The following GALM variants were observed in gnomAD, a reference collection of about 807,000 sequenced individuals.
GALM encodes aldose 1-epimerase.
In GALM, 43 loss-of-function variants were observed where a neutral mutation model predicts 37.4. That is an observed-to-expected ratio of 1.15 (90% CI 0.90 to 1.48). The LOEUF (loss-of-function observed/expected upper bound fraction) is 1.48. GALM is among the 40% of genes most tolerant of loss of function. GALM has a pLI of 0.00. For synonymous variants in GALM, 199 were observed against 170.6 expected (o/e 1.17, Z -1.30); for missense variants, 456 against 419.1 (o/e 1.09, Z -0.77).
chr2:38,711,205 G>A (rs1211517695), intron 4 of GALM, among the ~76,000 whole-genome samples: 2 of 149,734 alleles, frequency 1.3e-5, no homozygotes, highest in Admixed American at 6.7e-5. Flanking sequence ...TGTTGCCCAG[G>A]CTGGCATGCA....
rs113298647 is a variant in GALM, at chr2:38,667,688, G to A, written c.190+1337G>A. Among the ~76,000 whole-genome samples, 454 of 151,712 alleles carry A rather than the reference G, an allele frequency of 3.0e-3. 7 individuals carry two copies. Among genetic ancestry groups the A allele is most frequent in the African/African-American group, 0.011 (442 of 41,430 alleles). On this transcript the variant is annotated intron_variant, in intron 1 of 6. Transcript: ENST00000272252. ...TTTGGTAGAGATGGGGTTTCACCAT[G>A]TTGGCCAGGCTGCTGGCGGGCACCT... is the stretch of plus-strand genomic sequence containing the variant.
Position 38,675,539 on chromosome 2 carries a change from TTTTTTG to T in GALM, c.191-371_191-366del, listed in dbSNP as rs1382172930. ...GAGGGTTTTTTTGTTTTTTTTTTTT[TTTTTTG>T]TGTGTGTGTGTGTGTGTGTGTGTGT... On this transcript the variant is annotated intron_variant, in intron 1 of 6. Coordinates refer to ENST00000272252, the MANE Select transcript of GALM (RefSeq NM_138801.3). Among the ~76,000 whole-genome samples, 115 of 83,434 alleles carry T rather than the reference TTTTTTG, an allele frequency of 1.4e-3. 1 individual carries two copies. Among genetic ancestry groups the T allele is most frequent in the African/African-American group, 6.2e-3 (110 of 17,746 alleles). The allele number at this position is 83,434 out of a possible 152,430, so 54.7% of individuals were successfully genotyped here. A position where few individuals can be genotyped will look rare whatever the true frequency, so the allele number is the denominator to read the frequency against.
intron 4 of GALM, among the ~76,000 whole-genome samples, chr2:38,728,034 G>C (rs146330536): frequency 3.9e-4 from 60 of 152,262 alleles, no homozygotes; most frequent in Middle Eastern, 3.4e-3. Context: ...CACCCTAAAA[G>C]AGTATGTTAA....
chr2:38,667,482 A>G (rs1431320720), intron 1 of GALM, among the ~76,000 whole-genome samples: 1 of 152,174 alleles, frequency 6.6e-6, no homozygotes, highest in Non-Finnish European at 1.5e-5. Context: ...AGGCAGGAGA[A>G]TAGCTTGAAC....
intron 4 of GALM, among the ~76,000 whole-genome samples, chr2:38,695,419 C>T (rs1343396012): frequency 6.6e-6 from 1 of 152,190 alleles, no homozygotes; most frequent in Admixed American, 6.5e-5. Context: ...GGAGCAGTCC[C>T]TTATGGTGGG....
intron 4 of GALM, among the ~76,000 whole-genome samples, chr2:38,722,258 C>CT (rs1666398922): frequency 6.6e-6 from 1 of 151,966 alleles, no homozygotes. Flanking sequence ...CCCCTCCCTC[C>CT]TTCTTGTGTG....
At chr2:38,717,684 A>C (rs1297470450) in intron 4 of GALM, among the ~76,000 whole-genome samples, 1 of 151,812 alleles carries the variant, frequency 6.6e-6, no homozygotes, top group African/African-American at 2.4e-5. Context: ...TATAGGTGGA[A>C]GCCACCATCC....
intron 4 of GALM, among the ~76,000 whole-genome samples, chr2:38,709,456 G>A (rs1666106705): frequency 6.6e-6 from 1 of 151,726 alleles, no homozygotes; most frequent in South Asian, 2.1e-4. Flanking sequence ...CTGCAGCTTG[G>A]TTTAGCATTT....
At chr2:38,703,869 G>T (rs1282151774) in intron 4 of GALM, among the ~76,000 whole-genome samples, 1 of 151,932 alleles carries the variant, frequency 6.6e-6, no homozygotes, top group African/African-American at 2.4e-5. Flanking sequence ...AAAACAATCA[G>T]CTGGGTGTGG....
chr2:38,731,620 T>G (rs1260583609), intron 5 of GALM, 115 bp from the exon 6 acceptor site: 2 of 759,190 alleles, frequency 2.6e-6, no homozygotes, highest in Non-Finnish European at 4.5e-6. Context: ...CCTCCTTATA[T>G]CTTGTCCCTG....
intron 4 of GALM, among the ~76,000 whole-genome samples, chr2:38,707,981 C>A (rs1666074702): frequency 6.6e-6 from 1 of 152,056 alleles, no homozygotes; most frequent in East Asian, 1.9e-4. Context: ...GTAGCACACA[C>A]CTGTAATCCA....
chr2:38,702,753 G>A (rs1418536076), intron 4 of GALM, among the ~76,000 whole-genome samples: 2 of 151,780 alleles, frequency 1.3e-5, no homozygotes, highest in South Asian at 2.1e-4. Context: ...TCGGGTTGAA[G>A]CTAGAAAACT....
At chr2:38,695,536 A>C (rs147919445) in intron 4 of GALM, among the ~76,000 whole-genome samples, 18 of 152,240 alleles carry the variant, frequency 1.2e-4, no homozygotes, top group African/African-American at 4.1e-4. Flanking sequence ...AACCCTCAGA[A>C]ATCAACAGTA....
intron 4 of GALM, among the ~76,000 whole-genome samples, chr2:38,718,148 T>G (rs1666305689): frequency 6.6e-6 from 1 of 151,216 alleles, no homozygotes; most frequent in African/African-American, 2.4e-5. Flanking sequence ...GAAGACAGTT[T>G]CCAAATAACA....
At chr2:38,686,243 T>TTCTTC (rs1558582058) in intron 3 of GALM, among the ~76,000 whole-genome samples, 39 of 97,000 alleles carry the variant, frequency 4.0e-4, no homozygotes, top group African/African-American at 2.1e-3. Flanking sequence ...TTTCTTTCTT[T>TTCTTC]CTTTCTTTCT....
intron 4 of GALM, among the ~76,000 whole-genome samples, chr2:38,698,905 C>T (rs1665863107): frequency 1.3e-5 from 2 of 151,890 alleles, no homozygotes; most frequent in Non-Finnish European, 2.9e-5. Flanking sequence ...GCCACTGTGT[C>T]CAGCTGTTAT....
chr2:38,731,683 C>T (rs1227044077), intron 5 of GALM, 52 bp from the exon 6 acceptor site: 4 of 1,444,538 alleles, frequency 2.8e-6, no homozygotes, highest in Non-Finnish European at 2.9e-6. Flanking sequence ...GCTTCTACTC[C>T]TCCCCACCTG....
At chr2:38,673,683 G>A (rs765528638) in intron 1 of GALM, among the ~76,000 whole-genome samples, 2 of 151,968 alleles carry the variant, frequency 1.3e-5, no homozygotes, top group Non-Finnish European at 2.9e-5. Context: ...GGTGGCGGGT[G>A]CCTGTAGTCC....
chr2:38,670,308 C>T (rs757380215), intron 1 of GALM, among the ~76,000 whole-genome samples: 4 of 152,150 alleles, frequency 2.6e-5, no homozygotes, highest in Admixed American at 6.5e-5. Flanking sequence ...ATGTTTCCCC[C>T]AGTTGCCACC....
Sources: allele counts gnomAD v4.1 joint callset (sites outside exome capture counted in the v4.1 genomes callset), GRCh38; gene constraint gnomAD v4.1.1; transcripts MANE v1.5; gene names NCBI Gene and HGNC (gene_info 2026-07-23, HGNC 2026-07-21).